The following SOX5 variants were observed in gnomAD, a reference collection of about 807,000 sequenced individuals.
SOX5 encodes SRY-box transcription factor 5, also known as transcription factor SOX-5.
SOX5 carries 9 observed loss-of-function variants against 92.0 expected under a neutral mutation model. That is an observed-to-expected ratio of 0.10 (90% CI 0.06 to 0.17). The LOEUF (loss-of-function observed/expected upper bound fraction) is 0.17. Among genes scored for constraint, SOX5 ranks in the 10% least tolerant of loss-of-function variants. The probability of loss-of-function intolerance (pLI) is 1.00; values close to 1 mark genes in which losing one functional copy is unlikely to be tolerated. For synonymous variants in SOX5, 344 were observed against 336.3 expected (o/e 1.02, Z -0.25); for missense variants, 642 against 944.5 (o/e 0.68, Z 4.20).
At chr12:24,385,694 T>C (rs1958317007) in intron 1 of SOX5, among the ~76,000 whole-genome samples, 1 of 152,080 alleles carries the variant, frequency 6.6e-6, no homozygotes, top group Non-Finnish European at 1.5e-5. Flanking sequence ...TGGTGGCTCA[T>C]GCCTAGGCTG....
At chr12:23,626,861 G>GT (rs1302889637) in intron 8 of SOX5, among the ~76,000 whole-genome samples, 1 of 152,014 alleles carries the variant, frequency 6.6e-6, no homozygotes, top group African/African-American at 2.4e-5. Context: ...AGAGGTTGCA[G>GT]TTTTTTTGTG....
intron 11 of SOX5, among the ~76,000 whole-genome samples, chr12:23,558,292 C>T (rs1180046738): frequency 6.6e-6 from 1 of 152,086 alleles, no homozygotes; most frequent in African/African-American, 2.4e-5. Context: ...TTTCCTTTGG[C>T]CAGTAATGGT....
chr12:23,678,316 T>C (rs1033297194), intron 6 of SOX5, among the ~76,000 whole-genome samples: 2 of 152,142 alleles, frequency 1.3e-5, no homozygotes, highest in Non-Finnish European at 2.9e-5. Context: ...ATTTTACTAC[T>C]TTGCTAAATT....
chr12:23,631,886 T>C (rs1298034167), intron 8 of SOX5, among the ~76,000 whole-genome samples: 4 of 152,056 alleles, frequency 2.6e-5, no homozygotes, highest in Non-Finnish European at 5.9e-5. Flanking sequence ...ATTGTCCAAA[T>C]GTCAACACCT....
chr12:24,287,990 C>T (rs1461655056), intron 2 of SOX5, among the ~76,000 whole-genome samples: 1 of 152,116 alleles, frequency 6.6e-6, no homozygotes, highest in Non-Finnish European at 1.5e-5. Flanking sequence ...ACTATGGAAG[C>T]GTTAATTTCT....
intron 3 of SOX5, among the ~76,000 whole-genome samples, chr12:24,243,619 C>T (rs765314984): frequency 3.3e-5 from 5 of 151,928 alleles, no homozygotes; most frequent in South Asian, 2.1e-4. Context: ...ATTCTAAAAC[C>T]GTACATTGCC....
At chr12:24,437,360 T>G (rs1566161584) in intron 1 of SOX5, among the ~76,000 whole-genome samples, 1 of 152,130 alleles carries the variant, frequency 6.6e-6, no homozygotes, top group Non-Finnish European at 1.5e-5. Context: ...CCTAGAACTA[T>G]AAAAACCCTA....
In SOX5 at chr12:24,012,101, A is replaced by C. The variant is rs149242303; in HGVS notation, c.-1-116077T>G. ...ACTAATAATTCTTCAAAAACTTACA[A>C]AATTTCATCAAATTGCTGACTTCAG... is the stretch of plus-strand genomic sequence containing the variant. On this transcript the variant is annotated intron_variant, in intron 4 of 4. Transcript: ENST00000446891. Among the ~76,000 whole-genome samples, 311 of 139,362 alleles carry C rather than the reference A, an allele frequency of 2.2e-3. 1 individual carries two copies. Among genetic ancestry groups the C allele is most frequent in the African/African-American group, 7.4e-3 (288 of 38,942 alleles). The allele number at this position is 139,362 out of a possible 152,430, so 91.4% of individuals were successfully genotyped here.
At chr12:24,396,490 G>A (rs537590579) in intron 1 of SOX5, among the ~76,000 whole-genome samples, 1 of 152,236 alleles carries the variant, frequency 6.6e-6, no homozygotes, top group Non-Finnish European at 1.5e-5. Flanking sequence ...ATTTAGAGCT[G>A]CCCGGTTCCC....
chr12:24,092,478 A>C (rs545576860), intron 4 of SOX5, among the ~76,000 whole-genome samples: 30 of 152,316 alleles, frequency 2.0e-4, no homozygotes, highest in African/African-American at 7.2e-4. Context: ...GGCAGTCCCC[A>C]AAGTGGATGC....
At chr12:24,037,346 T>C (rs951179648) in intron 4 of SOX5, among the ~76,000 whole-genome samples, 17 of 152,192 alleles carry the variant, frequency 1.1e-4, no homozygotes, top group African/African-American at 3.9e-4. Flanking sequence ...TTTCTTGGTA[T>C]TGTCATTGAG....
chr12:24,542,917 G>A (rs1383262188), intron 1 of SOX5, among the ~76,000 whole-genome samples: 1 of 152,064 alleles, frequency 6.6e-6, no homozygotes, highest in Non-Finnish European at 1.5e-5. Flanking sequence ...TATATATTTT[G>A]GTGTGGCTTA....
At chr12:23,622,189 C>T (rs897932906) in intron 8 of SOX5, among the ~76,000 whole-genome samples, 1 of 152,002 alleles carries the variant, frequency 6.6e-6, no homozygotes, top group Non-Finnish European at 1.5e-5. Flanking sequence ...GGAATCTGAT[C>T]GTTTTAAAAG....
chr12:23,919,132 G>T (rs938556709), intron 1 of SOX5, among the ~76,000 whole-genome samples: 5 of 152,124 alleles, frequency 3.3e-5, no homozygotes, highest in Non-Finnish European at 4.4e-5. Flanking sequence ...GTGTGTTTGG[G>T]GTGGTGGGGA....
intron 4 of SOX5, among the ~76,000 whole-genome samples, chr12:23,989,777 A>G (rs1950389358): frequency 6.6e-6 from 1 of 152,132 alleles, no homozygotes; most frequent in Non-Finnish European, 1.5e-5. Flanking sequence ...GAGTCCAACC[A>G]TGGTGGCACC....
intron 3 of SOX5, among the ~76,000 whole-genome samples, chr12:24,240,396 A>C (rs1020676509): frequency 2.0e-5 from 3 of 152,208 alleles, no homozygotes; most frequent in Admixed American, 6.5e-5. Flanking sequence ...CTGTAAAACC[A>C]CATTTCCCAA....
At chr12:23,960,544 T>TACATATATATTTATATAC (rs1946809806) in intron 4 of SOX5, among the ~76,000 whole-genome samples, 1 of 146,768 alleles carries the variant, frequency 6.8e-6, no homozygotes, top group African/African-American at 2.5e-5. Context: ...TATATATATA[T>TACATATATATTTATATAC]ATGAAGTCAG....
At chr12:24,349,120 C>T (rs1953728028) in intron 2 of SOX5, among the ~76,000 whole-genome samples, 2 of 152,198 alleles carry the variant, frequency 1.3e-5, no homozygotes, top group East Asian at 1.9e-4. Context: ...TTGTGGATCC[C>T]TCTGTCTGGA....
At chr12:23,682,029 A>G (rs928300634) in intron 6 of SOX5, among the ~76,000 whole-genome samples, 19 of 151,784 alleles carry the variant, frequency 1.3e-4, no homozygotes, top group African/African-American at 3.9e-4. Context: ...ATAGCTCAAA[A>G]AAAAAAAATT....
Sources: gnomAD v4.1 joint callset for allele counts (sites outside exome capture counted in the v4.1 genomes callset) on GRCh38, gnomAD v4.1.1 for gene constraint, MANE v1.5 for transcripts, NCBI Gene and HGNC (gene_info 2026-07-23, HGNC 2026-07-21) for gene names.